The following BTBD8 variants were observed in gnomAD, a reference collection of about 807,000 sequenced individuals.
BTBD8 encodes BTB domain containing 8, also known as BTB/POZ domain-containing protein 8.
BTBD8 carries 110 observed loss-of-function variants against 162.9 expected under a neutral mutation model. The observed-to-expected ratio is 0.68, with a 90% CI of 0.58 to 0.79. BTBD8 has a LOEUF of 0.79. BTBD8 is among the 30% of genes least tolerant of loss of function. The probability of loss-of-function intolerance (pLI) is 0.00; values close to 1 mark genes in which losing one functional copy is unlikely to be tolerated. For synonymous variants in BTBD8, 667 were observed against 716.1 expected (o/e 0.93, Z 1.10); for missense variants, 1,905 against 2,085.4 (o/e 0.91, Z 1.68).
chr1:92,104,602 G>A (rs1648676466), intron 3 of BTBD8, among the ~76,000 whole-genome samples: 1 of 152,180 alleles, frequency 6.6e-6, no homozygotes, highest in Non-Finnish European at 1.5e-5. Context: ...GTGAGTTTAA[G>A]TGAAAAGAGC....
At chr1:92,105,211 C>T (rs1379959743) in intron 3 of BTBD8, among the ~76,000 whole-genome samples, 3 of 149,408 alleles carry the variant, frequency 2.0e-5, no homozygotes, top group African/African-American at 5.1e-5. Context: ...GGATTACAGG[C>T]GTGAGCCACT....
intron 4 of BTBD8, among the ~76,000 whole-genome samples, chr1:92,109,143 G>C (rs980472121): frequency 4.0e-5 from 6 of 151,798 alleles, no homozygotes; most frequent in Non-Finnish European, 7.4e-5. Context: ...TGCATTAAAG[G>C]TTGCAAAATT....
chr1:92,114,144 A>G (rs968620837), intron 4 of BTBD8, among the ~76,000 whole-genome samples: 9 of 152,100 alleles, frequency 5.9e-5, no homozygotes, highest in Non-Finnish European at 1.0e-4. Flanking sequence ...ATTGTTAAAA[A>G]AAACACTTAT....
chr1:92,086,826 A>G (rs1648174409), intron 1 of BTBD8, among the ~76,000 whole-genome samples: 1 of 152,152 alleles, frequency 6.6e-6, no homozygotes, highest in African/African-American at 2.4e-5. Context: ...GCCCTTGCAG[A>G]TGCCAGCACC....
intron 3 of BTBD8, among the ~76,000 whole-genome samples, chr1:92,105,174 C>T (rs1194467535): frequency 6.6e-5 from 10 of 152,092 alleles, no homozygotes; most frequent in Admixed American, 2.6e-4. Flanking sequence ...CCTTGTGATC[C>T]GCCCGCCTCA....
At chr1:92,132,576 T>C (rs1337814742) in intron 5 of BTBD8, among the ~76,000 whole-genome samples, 1 of 152,206 alleles carries the variant, frequency 6.6e-6, no homozygotes, top group African/African-American at 2.4e-5. Context: ...CTTTAGTAGC[T>C]TGTTCAAGGG....
At chr1:92,141,594 C>T (rs868347816) in intron 7 of BTBD8, among the ~76,000 whole-genome samples, 1 of 152,116 alleles carries the variant, frequency 6.6e-6, no homozygotes, top group Non-Finnish European at 1.5e-5. Flanking sequence ...TACCACTTCT[C>T]TTTATAGCAG....
intron 4 of BTBD8, among the ~76,000 whole-genome samples, chr1:92,118,119 A>G (rs75615133): frequency 0.014 from 2,171 of 151,968 alleles, 85 homozygotes; most frequent in African/African-American, 0.048. Flanking sequence ...AATTGAGTCA[A>G]TATCAATACA....
At chr1:92,120,728 G>A (rs986331590) in intron 4 of BTBD8, among the ~76,000 whole-genome samples, 1 of 152,038 alleles carries the variant, frequency 6.6e-6, no homozygotes, top group African/African-American at 2.4e-5. Flanking sequence ...ATATGTGAGT[G>A]GTCTCTTGAC....
Position 92,167,971 on chromosome 1 carries a change from A to G in BTBD8, c.1429A>G (p.Ser477Gly). The change falls in exon 11 of 18, where the codon AGT becomes GGT. Residue 477 changes from serine (S) to glycine (G), a missense_variant. Physicochemically the swap from Ser to Gly is moderately conservative, Grantham distance 56. Around this residue, in one of 3 missense-constraint regions of BTBD8, gnomAD observed 1,374 missense variants for 1,442.7 expected, o/e 0.95. Transcript: ENST00000636805. ...MALDTLLNSD[S>G]TKEMGFTCKI... is the part of the protein sequence containing the mutation. ...TCTGGACACACTGCTGAACTCTGAC[A>G]GTACAAAGGAAATGGTACTGAATGT... The G allele has an allele frequency of 1.3e-6, 2 of 1,546,534 alleles. No homozygotes were observed. The highest frequency in any genetic ancestry group is 1.7e-6 in the Non-Finnish European group (2 of 1,144,158).
At chr1:92,110,357 TC>T (rs1457413706) in intron 4 of BTBD8, among the ~76,000 whole-genome samples, 1 of 152,222 alleles carries the variant, frequency 6.6e-6, no homozygotes, top group Non-Finnish European at 1.5e-5. Flanking sequence ...CGTTTCAGCA[TC>T]CTTATCAGAG....
intron 4 of BTBD8, among the ~76,000 whole-genome samples, chr1:92,118,363 G>A (rs1447338519): frequency 1.3e-5 from 2 of 149,744 alleles, no homozygotes; most frequent in Non-Finnish European, 3.0e-5. Context: ...CTTAAATGGA[G>A]TTTATCTGAT....
At chr1:92,118,591 A>T (rs141861652) in intron 4 of BTBD8, among the ~76,000 whole-genome samples, 1 of 152,032 alleles carries the variant, frequency 6.6e-6, no homozygotes, top group East Asian at 1.9e-4. Flanking sequence ...GAAGGAAGTC[A>T]CTGTGTGTAG....
rs1649765580 is a variant in BTBD8 at position 92,141,098 on chromosome 1, A to G, written c.834-17A>G. 6.5e-7 allele frequency: 1 copy of G among 1,531,676 alleles called. No homozygotes were observed. The highest frequency in any genetic ancestry group is 8.8e-7 in the Non-Finnish European group (1 of 1,140,884). The allele number at this position is 1,531,676 out of a possible 1,614,324, so 94.9% of individuals were successfully genotyped here. The stretch of plus-strand genomic sequence containing the variant: ...TTTTAAATTGGAGAATTAACAGTGC[A>G]TCTATTTTTATTTTAGTCAGATACT... On this transcript the variant is annotated splice_polypyrimidine_tract_variant and intron_variant, in intron 6 of 17. Transcript: ENST00000636805.
chr1:92,143,570 G>A (rs564166688), intron 7 of BTBD8, among the ~76,000 whole-genome samples: 1 of 152,252 alleles, frequency 6.6e-6, no homozygotes, highest in South Asian at 2.1e-4. Context: ...GAGTGCAGTG[G>A]TACGATCTCT....
At chr1:92,147,630 T>C (rs2100638402) in intron 8 of BTBD8, 54 bp from the exon 9 acceptor site, 1 of 1,429,926 alleles carries the variant, frequency 7.0e-7, no homozygotes, top group South Asian at 1.2e-5. Flanking sequence ...ATATTGACTA[T>C]TATAATGAAA....
intron 4 of BTBD8, among the ~76,000 whole-genome samples, chr1:92,109,188 G>A (rs4658128): frequency 0.62 from 93,761 of 151,268 alleles, 29,468 homozygotes; most frequent in East Asian, 0.97. Flanking sequence ...TATATTTTCC[G>A]TATCATGGGT....
intron 5 of BTBD8, among the ~76,000 whole-genome samples, chr1:92,130,390 A>C (rs188175784): frequency 5.9e-5 from 9 of 151,822 alleles, no homozygotes; most frequent in African/African-American, 2.2e-4. Context: ...TTGAGATGGG[A>C]TCTTGCTGTG....
At position 92,181,258 on chromosome 1, in the gene BTBD8, C is replaced by T; in HGVS notation, c.3575C>T (p.Thr1192Ile). ...ESAMDEDKHA[T>I]ADSDVSSKCF... ...GCTATGGATGAAGACAAACATGCTA[C>T]AGCAGACTCAGATGTATCTTCCAAG... Residue 1192 changes from threonine (T) to isoleucine (I), a missense_variant, in exon 17 of 18, where the codon ACA becomes ATA. By Grantham distance (89) the Thr-to-Ile change is moderately conservative (BLOSUM62 -1). Coordinates refer to ENST00000636805, the MANE Select transcript of BTBD8 (RefSeq NM_001376131.1). 6.4e-7 allele frequency: 1 copy of T among 1,551,718 alleles called. No individual in the cohort carries two copies. Among genetic ancestry groups the T allele is most frequent in the African/African-American group, 1.4e-5 (1 of 73,156 alleles).
Sources: allele counts gnomAD v4.1 joint callset (sites outside exome capture counted in the v4.1 genomes callset), GRCh38; gene constraint gnomAD v4.1.1; regional missense constraint gnomAD v4.1.1; transcripts MANE v1.5; gene names NCBI Gene and HGNC (gene_info 2026-07-23, HGNC 2026-07-21).